The following TAFA1 variants were observed in gnomAD, a reference collection of about 807,000 sequenced individuals.
TAFA1 encodes TAFA chemokine like family member 1, also known as chemokine-like protein TAFA-1.
TAFA1 carries 4 observed loss-of-function variants against 18.5 expected under a neutral mutation model. That is an observed-to-expected ratio of 0.22 (90% CI 0.11 to 0.49). TAFA1 has a LOEUF of 0.49. Ranked by LOEUF, TAFA1 falls within the 20% of genes least tolerant of loss-of-function variation. The pLI is 0.98. For synonymous variants in TAFA1, 56 were observed against 55.2 expected, an observed-to-expected ratio of 1.01 and a Z score of -0.06; for missense variants, 147 against 169.0, an observed-to-expected ratio of 0.87 and a Z score of 0.72.
chr3:68,031,475 G>A lies in TAFA1; in HGVS notation c.118+24731G>A, dbSNP rs369568512. Among the ~76,000 whole-genome samples the A allele has an allele frequency of 6.8e-4, 104 of 152,244 alleles. 1 individual carries two copies. In the South Asian group the frequency reaches 0.021, roughly 31 times the overall value. On this transcript the variant is annotated intron_variant, in intron 2 of 4. Coordinates refer to ENST00000478136, the MANE Select transcript of TAFA1 (RefSeq NM_213609.4). Reference sequence around the variant, plus strand: ...GCTTATAAATGAAAAATAATATAAGGCAAGAAGTATGTGCTGAGTAAAGGT... The same window carrying A: ...GCTTATAAATGAAAAATAATATAAGACAAGAAGTATGTGCTGAGTAAAGGT...
intron 3 of TAFA1, among the ~76,000 whole-genome samples, chr3:68,421,468 A>G (rs2070954311): frequency 6.6e-6 from 1 of 152,144 alleles, no homozygotes; most frequent in African/African-American, 2.4e-5. Context: ...TATAAATTAA[A>G]ATTTCAGTAT....
chr3:68,340,779 G>T (rs2069069246), intron 2 of TAFA1, among the ~76,000 whole-genome samples: 1 of 152,068 alleles, frequency 6.6e-6, no homozygotes, highest in South Asian at 2.1e-4. Flanking sequence ...TTACATGTTG[G>T]GATGGATACA....
intron 3 of TAFA1, among the ~76,000 whole-genome samples, chr3:68,423,614 T>C (rs1358954861): frequency 6.6e-6 from 1 of 152,090 alleles, no homozygotes; most frequent in Non-Finnish European, 1.5e-5. Context: ...TGCACTTTCA[T>C]TGTTATGGAG....
intron 4 of TAFA1, among the ~76,000 whole-genome samples, chr3:68,539,688 T>TGG (rs1184533157): frequency 0.091 from 1,106 of 12,210 alleles, 53 homozygotes; most frequent in East Asian, 0.34. Context: ...TGGGGGGGCA[T>TGG]GGGGTGGGTG....
At chr3:68,372,573 ATAGCC>A (rs2069732537) in intron 2 of TAFA1, among the ~76,000 whole-genome samples, 3 of 152,322 alleles carry the variant, frequency 2.0e-5, no homozygotes, top group Admixed American at 2.0e-4. Flanking sequence ...CACATGACAA[ATAGCC>A]TAGCATGCAA....
chr3:68,443,706 C>A (rs73111024), intron 3 of TAFA1, among the ~76,000 whole-genome samples: 18,579 of 151,992 alleles, frequency 0.12, 1,555 homozygotes, highest in East Asian at 0.34. Context: ...AATTCAATCA[C>A]CATTCACCAG....
intron 2 of TAFA1, among the ~76,000 whole-genome samples, chr3:68,378,803 T>A (rs919142663): frequency 6.6e-5 from 10 of 152,084 alleles, no homozygotes; most frequent in African/African-American, 2.4e-4. Context: ...GATTGTTTCG[T>A]TTCGTAAGCA....
At chr3:68,520,211 A>G (rs2072998621) in intron 3 of TAFA1, among the ~76,000 whole-genome samples, 1 of 152,130 alleles carries the variant, frequency 6.6e-6, no homozygotes, top group South Asian at 2.1e-4. Flanking sequence ...TTTTCTTTAG[A>G]CCTGTCTTCT....
intron 2 of TAFA1, among the ~76,000 whole-genome samples, chr3:68,054,839 C>T (rs1340873587): frequency 1.3e-5 from 2 of 152,144 alleles, no homozygotes; most frequent in Admixed American, 1.3e-4. Flanking sequence ...CTACCATTTG[C>T]CAGACACTAT....
At chr3:68,309,487 T>C (rs1319597510) in intron 2 of TAFA1, among the ~76,000 whole-genome samples, 1 of 152,168 alleles carries the variant, frequency 6.6e-6, no homozygotes, top group Non-Finnish European at 1.5e-5. Flanking sequence ...CCCATGTCTA[T>C]CCTATTACAA....
intron 2 of TAFA1, among the ~76,000 whole-genome samples, chr3:68,344,025 T>C (rs1162701464): frequency 6.6e-6 from 1 of 152,172 alleles, no homozygotes; most frequent in African/African-American, 2.4e-5. Context: ...GTATTTTTAG[T>C]AGAGACAGGG....
intron 2 of TAFA1, among the ~76,000 whole-genome samples, chr3:68,373,954 A>G (rs1355642470): frequency 6.6e-6 from 1 of 152,196 alleles, no homozygotes; most frequent in East Asian, 1.9e-4. Context: ...TTTGACAGGA[A>G]TAGAAACTCA....
chr3:68,212,607 G>C (rs1205775395), intron 2 of TAFA1, among the ~76,000 whole-genome samples: 3 of 151,944 alleles, frequency 2.0e-5, no homozygotes, highest in Non-Finnish European at 2.9e-5. Context: ...GTATAAGTGT[G>C]TATCCATTCA....
At chr3:68,232,558 A>G (rs969725872) in intron 2 of TAFA1, among the ~76,000 whole-genome samples, 12 of 152,128 alleles carry the variant, frequency 7.9e-5, no homozygotes, top group African/African-American at 2.9e-4. Context: ...TTTCCTTTGC[A>G]TAAGTAACAC....
At chr3:68,367,722 C>A (rs1395732189) in intron 2 of TAFA1, among the ~76,000 whole-genome samples, 6 of 151,988 alleles carry the variant, frequency 3.9e-5, no homozygotes, top group Non-Finnish European at 2.9e-5. Context: ...GTGGTAGGAC[C>A]CATGCATCTG....
chr3:68,310,539 G>A (rs888292873), intron 2 of TAFA1, among the ~76,000 whole-genome samples: 3 of 152,008 alleles, frequency 2.0e-5, no homozygotes, highest in Admixed American at 2.0e-4. Flanking sequence ...TATTGTTGAA[G>A]TAGTTCATAT....
chr3:68,282,461 G>T (rs902719), intron 2 of TAFA1, among the ~76,000 whole-genome samples: 5,037 of 152,176 alleles, frequency 0.033, 275 homozygotes, highest in African/African-American at 0.11. Flanking sequence ...ACAGCCATTT[G>T]TGTATGACTT....
intron 2 of TAFA1, among the ~76,000 whole-genome samples, chr3:68,036,515 C>T (rs1705052648): frequency 6.6e-6 from 1 of 151,852 alleles, no homozygotes; most frequent in Admixed American, 6.6e-5. Context: ...AAAAAGATCC[C>T]CTGGCATCAT....
chr3:68,307,404 A>G (rs1406772144), intron 2 of TAFA1, among the ~76,000 whole-genome samples: 2 of 152,212 alleles, frequency 1.3e-5, no homozygotes, highest in Non-Finnish European at 2.9e-5. Flanking sequence ...TAGGTAAAGT[A>G]ATCACCAGGT....
Sources: allele counts gnomAD v4.1 joint callset (sites outside exome capture counted in the v4.1 genomes callset), GRCh38; gene constraint gnomAD v4.1.1; transcripts MANE v1.5; gene names NCBI Gene and HGNC (gene_info 2026-07-23, HGNC 2026-07-21).